DIP2C: variants seen among roughly 807,000 people sequenced by gnomAD.
The protein encoded by DIP2C is DIP2 acetate--CoA ligase C (putative), also known as disco-interacting protein 2 homolog C.
Under a neutral mutation model 192.4 loss-of-function variants are expected in DIP2C, and 33 were observed. That is an observed-to-expected ratio of 0.17 (90% confidence interval 0.13 to 0.23). DIP2C has a LOEUF of 0.23. DIP2C is among the 10% of genes least tolerant of loss of function. The pLI is 1.00. For missense variants in DIP2C, 1,537 were observed against 2,110.1 expected (o/e 0.73, Z 5.32); for synonymous variants, 979 against 864.1 (o/e 1.13, Z -2.33).
At chr10:676,641 G>C (rs1162294912) in intron 1 of DIP2C, among the ~76,000 whole-genome samples, 1 of 151,886 alleles carries the variant, frequency 6.6e-6, no homozygotes, top group Non-Finnish European at 1.5e-5. Context: ...AAGAAATCAA[G>C]AAAGCAATCC....
At chr10:383,007 A>G (rs1028506925) in intron 16 of DIP2C, among the ~76,000 whole-genome samples, 17 of 152,252 alleles carry the variant, frequency 1.1e-4, no homozygotes, top group African/African-American at 4.1e-4. Context: ...AACTTACTTT[A>G]GTAACTTTTC....
chr10:678,910 G>A lies in DIP2C; in HGVS notation c.85+10584C>T, dbSNP rs186062130. On this transcript the variant is annotated intron_variant, in intron 1 of 36. Transcript: ENST00000280886. Reference sequence around the variant, plus strand: ...CATCCTCCCCCCACCCATGCTCCCCGCGCCCATGCTCCCCGCACCCATGCT... The same window carrying A: ...CATCCTCCCCCCACCCATGCTCCCCACGCCCATGCTCCCCGCACCCATGCT... Among the ~76,000 whole-genome samples the A allele has an allele frequency of 4.0e-3, 6 of 1,494 alleles. 1 individual carries two copies. Among genetic ancestry groups the A allele is most frequent in the Non-Finnish European group, 8.3e-3 (2 of 242 alleles). The allele number at this position is 1,494 out of a possible 152,430, so 1.0% of individuals were successfully genotyped here.
chr10:674,789 T>TATATATATATATATAGAGAGAGAGAG, intron 1 of DIP2C, among the ~76,000 whole-genome samples: 5 of 62,476 alleles, frequency 8.0e-5, no homozygotes, highest in East Asian at 5.5e-4. Context: ...TATATATATA[T>TATATATATATATATAGAGAGAGAGAG]AGAGAGAGAG....
chr10:473,131 C>T (rs1171426574), intron 2 of DIP2C, among the ~76,000 whole-genome samples: 1 of 152,190 alleles, frequency 6.6e-6, no homozygotes, highest in African/African-American at 2.4e-5. Flanking sequence ...ATCACAATTA[C>T]TTGGTGAATA....
chr10:314,537 C>T (rs534612315), intron 31 of DIP2C, among the ~76,000 whole-genome samples: 3 of 152,308 alleles, frequency 2.0e-5, no homozygotes, highest in East Asian at 3.9e-4. Flanking sequence ...TGTGCTGCAC[C>T]GGATCACCCA....
intron 26 of DIP2C, among the ~76,000 whole-genome samples, chr10:345,393 C>T (rs1958390808): frequency 1.3e-5 from 2 of 152,050 alleles, no homozygotes; most frequent in African/African-American, 4.8e-5. Context: ...ACTGCTCACA[C>T]CATTAGATCT....
intron 1 of DIP2C, among the ~76,000 whole-genome samples, chr10:487,147 C>T (rs1844073750): frequency 6.6e-6 from 1 of 152,218 alleles, no homozygotes; most frequent in Non-Finnish European, 1.5e-5. Context: ...GCAGCCATGC[C>T]TTTCCTGGAG....
chr10:490,400 G>C (rs1337218264), intron 1 of DIP2C, among the ~76,000 whole-genome samples: 1 of 152,234 alleles, frequency 6.6e-6, no homozygotes, highest in Non-Finnish European at 1.5e-5. Flanking sequence ...TCACGTGTCT[G>C]TTATCCCGCT....
chr10:579,344 A>G (rs1850414920), intron 1 of DIP2C, among the ~76,000 whole-genome samples: 1 of 151,978 alleles, frequency 6.6e-6, no homozygotes, highest in South Asian at 2.1e-4. Flanking sequence ...CATAGTGTAC[A>G]CACACCCAAA....
intron 1 of DIP2C, among the ~76,000 whole-genome samples, chr10:598,635 TTGA>T (rs1053402764): frequency 6.6e-6 from 1 of 150,688 alleles, no homozygotes; most frequent in Admixed American, 6.6e-5. Context: ...TTCTTTCCCC[TTGA>T]TGAAGTCATT....
At chr10:468,168 T>C (rs1248980856) in intron 3 of DIP2C, among the ~76,000 whole-genome samples, 1 of 152,058 alleles carries the variant, frequency 6.6e-6, no homozygotes, top group African/African-American at 2.4e-5. Flanking sequence ...TAACATAAGC[T>C]CCTCTTATCT....
At chr10:679,590 A>G (rs1481430762) in intron 1 of DIP2C, among the ~76,000 whole-genome samples, 6 of 64,806 alleles carry the variant, frequency 9.3e-5, no homozygotes, top group Admixed American at 5.7e-4. Flanking sequence ...CATGCTCCCC[A>G]CACCTGTGCT....
intron 1 of DIP2C, among the ~76,000 whole-genome samples, chr10:498,036 TAACA>T (rs1414622479): frequency 8.0e-6 from 1 of 124,262 alleles, no homozygotes; most frequent in Non-Finnish European, 1.8e-5. Flanking sequence ...CACACCCGGC[TAACA>T]GTGTATTTTT....
chr10:519,731 C>T (rs943031663), intron 1 of DIP2C, among the ~76,000 whole-genome samples: 1 of 152,242 alleles, frequency 6.6e-6, no homozygotes, highest in Non-Finnish European at 1.5e-5. Flanking sequence ...GGACAGAAAC[C>T]GTCTCCTGCT....
intron 13 of DIP2C, among the ~76,000 whole-genome samples, chr10:389,132 G>T (rs1324717466): frequency 7.0e-6 from 1 of 141,924 alleles, no homozygotes; most frequent in Non-Finnish European, 1.5e-5. Context: ...CATCCCAAGG[G>T]ATCTCAGGGG....
chr10:568,870 A>G (rs1849611031), intron 1 of DIP2C, among the ~76,000 whole-genome samples: 2 of 150,442 alleles, frequency 1.3e-5, no homozygotes, highest in Non-Finnish European at 3.0e-5. Flanking sequence ...GCAATGAGCC[A>G]TCTCAGAGCC....
chr10:638,177 T>C (rs569740125), intron 1 of DIP2C, among the ~76,000 whole-genome samples: 2 of 152,318 alleles, frequency 1.3e-5, no homozygotes, highest in Admixed American at 6.5e-5. Flanking sequence ...GAAAAGCTCA[T>C]GCTTAATCAC....
At chr10:290,407 C>T (rs1416522846) in intron 32 of DIP2C, among the ~76,000 whole-genome samples, 1 of 152,230 alleles carries the variant, frequency 6.6e-6, no homozygotes, top group Non-Finnish European at 1.5e-5. Flanking sequence ...CATGAGAATA[C>T]CTAGAATTTG....
rs1970029971 is a variant in DIP2C at position 464,256 on chromosome 10, G to T, written c.268+8183C>A. ...TTTGCAATCCATCCATCTGACAAAGGGCTAATATCCAGCATCTACAAAGAA... is the reference window on the plus strand; with the variant it reads ...TTTGCAATCCATCCATCTGACAAAGTGCTAATATCCAGCATCTACAAAGAA... On this transcript the variant is annotated intron_variant, in intron 3 of 36. Coordinates refer to ENST00000280886, the MANE Select transcript of DIP2C (RefSeq NM_014974.3). Among the ~76,000 whole-genome samples, 3 of 151,884 alleles carry T rather than the reference G, an allele frequency of 2.0e-5. No individual in the cohort carries two copies. The South Asian group carries it at 6.2e-4, about 32-fold the overall frequency.
Sources: allele counts gnomAD v4.1 joint callset (sites outside exome capture counted in the v4.1 genomes callset), GRCh38; gene constraint gnomAD v4.1.1; transcripts MANE v1.5; gene names NCBI Gene and HGNC (gene_info 2026-07-23, HGNC 2026-07-21).